The following MEI1 variants were observed in gnomAD, a reference collection of about 807,000 sequenced individuals.
The protein encoded by MEI1 is meiosis inhibitor protein 1.
Under a neutral mutation model 146.2 loss-of-function variants are expected in MEI1, and 103 were observed. The ratio of observed to expected loss-of-function variants is 0.70; its 90% confidence interval spans 0.60 to 0.83. The LOEUF (loss-of-function observed/expected upper bound fraction) is 0.83, where lower values mean the gene tolerates loss of function less well. Ranked by LOEUF, MEI1 falls within the 40% of genes least tolerant of loss-of-function variation. The pLI, the probability that MEI1 is intolerant of heterozygous loss-of-function variation, is 0.00. For missense variants in MEI1, 1,529 were observed against 1,533.0 expected (o/e 1.00, Z 0.04); for synonymous variants, 652 against 628.2 (o/e 1.04, Z -0.57).
intron 26 of MEI1, among the ~76,000 whole-genome samples, chr22:41,786,124 A>T (rs954102712): frequency 6.7e-6 from 1 of 149,742 alleles, no homozygotes; most frequent in African/African-American, 2.5e-5. Context: ...GTTAGCCAGG[A>T]TGGTCTCGAT....
chr22:41,768,588 C>A (rs111844931), intron 19 of MEI1, among the ~76,000 whole-genome samples: 16 of 152,200 alleles, frequency 1.1e-4, no homozygotes, highest in African/African-American at 3.6e-4. Context: ...ACAGGCTATA[C>A]AGGAAGCATG....
chr22:41,700,801 T>A (rs1045601960), intron 1 of MEI1, among the ~76,000 whole-genome samples: 1 of 146,624 alleles, frequency 6.8e-6, no homozygotes, highest in African/African-American at 2.6e-5. Flanking sequence ...GGGGTCTCCC[T>A]GTGTTGCCCA....
At chr22:41,729,576 A>C in intron 7 of MEI1, 89 bp from the exon 8 acceptor site, 1 of 760,510 alleles carries the variant, frequency 1.3e-6, no homozygotes, top group Non-Finnish European at 2.3e-6. Flanking sequence ...TCGAAAATGA[A>C]TTAGGCTATT....
At chr22:41,722,261 A>C (rs189177576) in intron 6 of MEI1, 1 of 151,500 alleles carries the variant, frequency 6.6e-6, no homozygotes, top group African/African-American at 2.4e-5. Flanking sequence ...TTATTCACTT[A>C]CTTTACAACC....
intron 16 of MEI1, 96 bp downstream of exon 16, chr22:41,752,747 G>A: frequency 9.4e-7 from 1 of 1,059,778 alleles, no homozygotes. Flanking sequence ...TTTAGTCATG[G>A]GCTCATGGTG....
intron 2 of MEI1, 60 bp downstream of exon 2, chr22:41,703,514 T>G: frequency 7.2e-7 from 1 of 1,391,184 alleles, no homozygotes; most frequent in Non-Finnish European, 9.5e-7. Context: ...TATCTGCTTT[T>G]GGGGCTCTTG....
At position 41,793,854 on chromosome 22, in the gene MEI1, G is replaced by C; in HGVS notation, c.3371G>C (p.Cys1124Ser). The change falls in exon 27 of 31, where the codon TGT becomes TCT. Residue 1124 changes from cysteine (C) to serine (S), a missense_variant. By Grantham distance (112) the Cys-to-Ser change is moderately radical. Coordinates refer to ENST00000401548, the MANE Select transcript of MEI1 (RefSeq NM_152513.4). Reference protein sequence around the residue: ...VQKDPLLSQACVGCLEALLDY... With the variant: ...VQKDPLLSQASVGCLEALLDY... ...AAGGACCCTCTATTGTCCCAGGCCT[G>C]TGTTGGCTGCCTGGAGGCCTTGCTT... 1.2e-6 allele frequency: 2 copies of C among 1,609,184 alleles called. No homozygotes were observed. Among genetic ancestry groups the C allele is most frequent in the South Asian group, 1.1e-5 (1 of 90,678 alleles).
At position 41,783,251 on chromosome 22, in the gene MEI1, A is replaced by G. The variant is rs779746588; in HGVS notation, c.3088-1088A>G. On this transcript the variant is annotated intron_variant, in intron 24 of 30. Transcript: ENST00000401548. Reference sequence around the variant, plus strand: ...TGCAGGTAGTACAGAGAGTTCCCATATAACACCCCCCCTCACCCCCGACAC... The same window carrying G: ...TGCAGGTAGTACAGAGAGTTCCCATGTAACACCCCCCCTCACCCCCGACAC... 1.0e-3 allele frequency among the ~76,000 whole-genome samples: 156 copies of G among 151,934 alleles called. 2 individuals carry two copies. The highest frequency in any genetic ancestry group is 3.4e-4 in the Non-Finnish European group (23 of 67,964).
intron 4 of MEI1, 42 bp from the exon 5 acceptor site, chr22:41,715,999 C>A: frequency 7.0e-7 from 1 of 1,425,182 alleles, no homozygotes; most frequent in Non-Finnish European, 9.7e-7. Context: ...AAGATCTGTC[C>A]TGATCCTAAT....
chr22:41,732,641 A>G (rs192262750), intron 11 of MEI1, 38 bp downstream of exon 11: 2 of 1,601,830 alleles, frequency 1.2e-6, no homozygotes, highest in Non-Finnish European at 1.7e-6. Context: ...CCATCCCTGC[A>G]TATACCTAAG....
intron 11 of MEI1, among the ~76,000 whole-genome samples, chr22:41,738,020 A>G (rs2072531605): frequency 1.3e-5 from 2 of 152,248 alleles, no homozygotes; most frequent in South Asian, 4.1e-4. Flanking sequence ...CAAATAATAC[A>G]AAACAAAATA....
In MEI1 at chr22:41,721,719, C is replaced by CTTTTTT. The variant is rs58572782; in HGVS notation, c.734-2209_734-2204dup. 8.1e-4 allele frequency among the ~76,000 whole-genome samples: 83 copies of CTTTTTT among 102,214 alleles called. 4 individuals carry two copies. Among genetic ancestry groups the CTTTTTT allele is most frequent in the African/African-American group, 3.1e-3 (74 of 24,234 alleles). 67.1% of individuals were successfully genotyped at this position (102,214 alleles called of 152,430 possible). On this transcript the variant is annotated intron_variant, in intron 6 of 30. Transcript: ENST00000401548. Reference sequence around the variant, plus strand: ...GAATTCCCGTTTTTAAATGCTACCCCTTTTTTTTTTTTTTTTTTTTGAGAT... The same window carrying CTTTTTT: ...GAATTCCCGTTTTTAAATGCTACCCCTTTTTTTTTTTTTTTTTTTTTTTTTTGAGAT...
intron 26 of MEI1, among the ~76,000 whole-genome samples, chr22:41,788,153 C>CTG (rs2076057669): frequency 6.6e-6 from 1 of 151,960 alleles, no homozygotes; most frequent in African/African-American, 2.4e-5. Context: ...CCTCAGCCTC[C>CTG]CAAGTACCTG....
chr22:41,761,049 C>T (rs1190668246), intron 18 of MEI1, among the ~76,000 whole-genome samples: 1 of 152,106 alleles, frequency 6.6e-6, no homozygotes, highest in Non-Finnish European at 1.5e-5. Flanking sequence ...CGGTGGCTTA[C>T]ACCTGTAATC....
At chr22:41,786,147 T>C (rs1416908347) in intron 26 of MEI1, among the ~76,000 whole-genome samples, 1 of 151,678 alleles carries the variant, frequency 6.6e-6, no homozygotes, top group Non-Finnish European at 1.5e-5. Context: ...CCTGACCTCG[T>C]GATCCGCCCG....
chr22:41,700,741 A>T (rs1433103770), intron 1 of MEI1, among the ~76,000 whole-genome samples: 1 of 128,398 alleles, frequency 7.8e-6, no homozygotes, highest in African/African-American at 2.9e-5. Flanking sequence ...CTAGATCAGC[A>T]GTTCTCAATT....
In MEI1 at chr22:41,730,536, A is replaced by C; in HGVS notation, c.995A>C (p.His332Pro). 6.2e-7 allele frequency: 1 copy of C among 1,613,160 alleles called. No homozygotes were observed. Among genetic ancestry groups the C allele is most frequent in the Non-Finnish European group, 8.5e-7 (1 of 1,179,174 alleles). Residue 332 changes from histidine to proline, a missense_variant, in exon 9 of 31, where the codon CAT becomes CCT. Coordinates refer to ENST00000401548, the MANE Select transcript of MEI1 (RefSeq NM_152513.4). Reference protein sequence around the residue: ...HADIPEFLFEHLSSSSEVLVW... With the variant: ...HADIPEFLFEPLSSSSEVLVW... Reference sequence around the variant, plus strand: ...CCCTTGTTAGAGTTCCTCTTTGAGCATCTTTCTTCTTCCAGTGAAGTGCTC... The same window carrying C: ...CCCTTGTTAGAGTTCCTCTTTGAGCCTCTTTCTTCTTCCAGTGAAGTGCTC...
chr22:41,699,871 C>A (rs1047032756), intron 1 of MEI1, among the ~76,000 whole-genome samples, 159 bp downstream of exon 1: 1 of 152,216 alleles, frequency 6.6e-6, no homozygotes, highest in African/African-American at 2.4e-5. Context: ...CGGACCCGGC[C>A]GCAGCGGCCT....
chr22:41,741,242 A>G (rs1294853620), intron 11 of MEI1, among the ~76,000 whole-genome samples: 1 of 152,230 alleles, frequency 6.6e-6, no homozygotes, highest in African/African-American at 2.4e-5. Context: ...CGACACCTCA[A>G]TTTCAGATTT....
Sources: gnomAD v4.1 joint callset for allele counts (sites outside exome capture counted in the v4.1 genomes callset) on GRCh38, gnomAD v4.1.1 for gene constraint, MANE v1.5 for transcripts, NCBI Gene and HGNC (gene_info 2026-07-23, HGNC 2026-07-21) for gene names.